Variants in SUMF1 observed in about 807,000 individuals in gnomAD.
SUMF1 encodes sulfatase modifying factor 1, also known as formylglycine-generating enzyme.
A neutral mutation model predicts 47.6 loss-of-function variants in SUMF1; 48 were observed. The ratio of observed to expected loss-of-function variants is 1.01; its 90% CI spans 0.80 to 1.28. The LOEUF is 1.28. Among genes scored for constraint, SUMF1 ranks in the 50% most tolerant of loss-of-function variants. The pLI is 0.00. For synonymous variants in SUMF1, 230 were observed against 192.1 expected (o/e 1.20, Z -1.63); for missense variants, 571 against 485.4 (o/e 1.18, Z -1.66).
rs745740071 is a variant in SUMF1 at position 4,440,263 on chromosome 3, A to AAAAC, written c.519+9002_519+9003insGTTT. ...TGTCTCAAAAAAAAAAAAAAAAAAA[A>AAAAC]AGATACTGAGCTATTTATCTGACTT... On this transcript the variant is annotated intron_variant, in intron 3 of 8. Coordinates refer to ENST00000272902, the MANE Select transcript of SUMF1 (RefSeq NM_182760.4). 4.5e-3 allele frequency among the ~76,000 whole-genome samples: 598 copies of AAAAC among 132,140 alleles called. 33 individuals carry two copies. The highest frequency in any genetic ancestry group is 0.014 in the African/African-American group (500 of 35,934). 86.7% of individuals were successfully genotyped at this position (132,140 alleles called of 152,430 possible).
At chr3:4,267,510 C>T (rs1575036966) in intron 8 of SUMF1, among the ~76,000 whole-genome samples, 1 of 152,212 alleles carries the variant, frequency 6.6e-6, no homozygotes. Flanking sequence ...AGTTTATTTG[C>T]ATAGAGGTGT....
chr3:4,193,623 G>T (rs1319696106), intron 8 of SUMF1, among the ~76,000 whole-genome samples: 1 of 152,142 alleles, frequency 6.6e-6, no homozygotes, highest in Non-Finnish European at 1.5e-5. Context: ...GCCAGGAGGA[G>T]CAGGGGTACA....
chr3:4,248,648 T>C (rs1696723332), intron 8 of SUMF1, among the ~76,000 whole-genome samples: 1 of 152,196 alleles, frequency 6.6e-6, no homozygotes, highest in Non-Finnish European at 1.5e-5. Context: ...ACCCCTCAGC[T>C]ACACTTTAGA....
chr3:4,375,760 T>C (rs1380569105), intron 8 of SUMF1, among the ~76,000 whole-genome samples: 3 of 152,094 alleles, frequency 2.0e-5, no homozygotes, highest in African/African-American at 4.8e-5. Flanking sequence ...AAATTCCTTA[T>C]AAAGGTTATT....
chr3:4,179,958 G>A (rs1466550361), intron 8 of SUMF1, among the ~76,000 whole-genome samples: 1 of 152,114 alleles, frequency 6.6e-6, no homozygotes, highest in Non-Finnish European at 1.5e-5. Flanking sequence ...CATCATCACT[G>A]GTCATTAGAG....
At chr3:4,171,872 A>T (rs1371432217) in intron 8 of SUMF1, among the ~76,000 whole-genome samples, 1 of 152,154 alleles carries the variant, frequency 6.6e-6, no homozygotes, top group Non-Finnish European at 1.5e-5. Flanking sequence ...CAGAAGGTGT[A>T]GAGAGGAATG....
chr3:4,419,095 G>A (rs919939090), intron 4 of SUMF1, among the ~76,000 whole-genome samples: 2 of 152,180 alleles, frequency 1.3e-5, no homozygotes, highest in East Asian at 3.8e-4. Context: ...AGATCCATCG[G>A]TGTTGACTGC....
chr3:4,201,481 T>G (rs1450335009), intron 8 of SUMF1, among the ~76,000 whole-genome samples: 2 of 152,130 alleles, frequency 1.3e-5, no homozygotes, highest in Non-Finnish European at 2.9e-5. Flanking sequence ...GATTTCATTC[T>G]TTTCTATGGC....
chr3:4,134,298 C>A (rs1378653753), intron 8 of SUMF1, among the ~76,000 whole-genome samples: 1 of 152,098 alleles, frequency 6.6e-6, no homozygotes, highest in African/African-American at 2.4e-5. Flanking sequence ...CAAACTAGAA[C>A]TCAGGATTAA....
chr3:4,091,914 G>A (rs1223016655), intron 8 of SUMF1, among the ~76,000 whole-genome samples: 1 of 151,546 alleles, frequency 6.6e-6, no homozygotes, highest in South Asian at 2.1e-4. Context: ...ATCTTCCAGG[G>A]ACCATTAAGT....
At chr3:4,121,733 T>C (rs1693549155) in intron 8 of SUMF1, among the ~76,000 whole-genome samples, 1 of 152,010 alleles carries the variant, frequency 6.6e-6, no homozygotes, top group Non-Finnish European at 1.5e-5. Context: ...TATTTAACTT[T>C]TAAGTTCAGG....
intron 8 of SUMF1, chr3:4,303,876 AAGCCGTGGGGCCT>A: frequency 7.8e-7 from 1 of 1,289,872 alleles, no homozygotes; most frequent in South Asian, 1.3e-5. Flanking sequence ...CAGGTAGGAT[AAGCCGTGGGGCCT>A]ATTAATGGAT....
intron 8 of SUMF1, among the ~76,000 whole-genome samples, chr3:4,190,095 CCT>C (rs1409155933): frequency 1.3e-5 from 2 of 151,858 alleles, no homozygotes; most frequent in African/African-American, 4.8e-5. Context: ...AAAAAAATTC[CCT>C]GAGCTGAATG....
chr3:4,164,695 T>C (rs902501006), intron 8 of SUMF1, among the ~76,000 whole-genome samples: 4 of 152,288 alleles, frequency 2.6e-5, no homozygotes, highest in Admixed American at 2.6e-4. Flanking sequence ...TGCCTGCTCC[T>C]CTTGGTCCCT....
At chr3:4,074,378 G>A (rs1692362281) in intron 8 of SUMF1, among the ~76,000 whole-genome samples, 1 of 152,074 alleles carries the variant, frequency 6.6e-6, no homozygotes, top group East Asian at 1.9e-4. Context: ...ATGCCCACAA[G>A]AGAAAGCAGG....
rs115178598 is a variant in SUMF1, at chr3:4,229,274, T to C, written c.1014+147056A>G. 999 of 349,540 alleles carry C rather than the reference T, an allele frequency of 2.9e-3. 13 individuals carry two copies. The highest frequency in any genetic ancestry group is 0.02 in the African/African-American group (920 of 45,190). The allele number at this position is 349,540 out of a possible 1,614,324, so 21.7% of individuals were successfully genotyped here. On this transcript the variant is annotated intron_variant and NMD_transcript_variant, in intron 8 of 12. Coordinates refer to the SUMF1 transcript ENST00000448413. ...CTGCCCACCCGGACAATCATCCTCC[T>C]TCATATGCTAGCAACTAGGTGTGTA...
At chr3:4,263,070 G>A (rs1233365830) in intron 8 of SUMF1, among the ~76,000 whole-genome samples, 1 of 152,026 alleles carries the variant, frequency 6.6e-6, no homozygotes, top group Non-Finnish European at 1.5e-5. Context: ...GGGGTGTAGG[G>A]CATGGGGTAA....
intron 3 of SUMF1, among the ~76,000 whole-genome samples, chr3:4,444,098 G>A (rs1702698539): frequency 6.6e-6 from 1 of 151,924 alleles, no homozygotes; most frequent in African/African-American, 2.4e-5. Flanking sequence ...TAATTTTCAA[G>A]GGAAAAAAAT....
chr3:4,319,213 C>T (rs1254463083), intron 8 of SUMF1, among the ~76,000 whole-genome samples: 2 of 152,312 alleles, frequency 1.3e-5, no homozygotes, highest in East Asian at 3.9e-4. Context: ...CTTAAAAGAG[C>T]TAGGCATAGC....
Sources: gnomAD v4.1 joint callset for allele counts (sites outside exome capture counted in the v4.1 genomes callset) on GRCh38, gnomAD v4.1.1 for gene constraint, MANE v1.5 for transcripts, NCBI Gene and HGNC (gene_info 2026-07-23, HGNC 2026-07-21) for gene names.